TMEM132D: variants seen among roughly 807,000 people sequenced by gnomAD.
The protein encoded by TMEM132D is transmembrane protein 132D.
TMEM132D carries 21 observed loss-of-function variants against 62.3 expected under a neutral mutation model. That is an observed-to-expected ratio of 0.34 (90% CI 0.24 to 0.49). The LOEUF (loss-of-function observed/expected upper bound fraction) is 0.49, where lower values mean the gene tolerates loss of function less well. Ranked by LOEUF, TMEM132D falls within the 20% of genes least tolerant of loss-of-function variation. The probability of loss-of-function intolerance (pLI) is 0.99; values close to 1 mark genes in which losing one functional copy is unlikely to be tolerated. For missense variants in TMEM132D, 1,346 were observed against 1,402.8 expected, an observed-to-expected ratio of 0.96 and a Z score of 0.65; for synonymous variants, 621 against 575.6, an observed-to-expected ratio of 1.08 and a Z score of -1.13.
At chr12:129,780,287 T>G (rs1349867254) in intron 1 of TMEM132D, among the ~76,000 whole-genome samples, 1 of 147,688 alleles carries the variant, frequency 6.8e-6, no homozygotes, top group Non-Finnish European at 1.5e-5. Flanking sequence ...GAGTAATGTC[T>G]GAAAGAGGAC....
At chr12:129,516,514 G>A (rs548859764) in intron 3 of TMEM132D, among the ~76,000 whole-genome samples, 2 of 152,180 alleles carry the variant, frequency 1.3e-5, no homozygotes, top group African/African-American at 2.4e-5. Flanking sequence ...AGAGCTAAGT[G>A]AAAGGGGCTT....
At chr12:129,683,728 A>G (rs1880841088) in intron 2 of TMEM132D, among the ~76,000 whole-genome samples, 1 of 152,170 alleles carries the variant, frequency 6.6e-6, no homozygotes, top group Non-Finnish European at 1.5e-5. Flanking sequence ...CCCAGAATGT[A>G]GTAATGTACC....
rs147054896 is a variant in TMEM132D, at chr12:129,122,954, ACTTGAAAGAC to A, written c.1444-38262_1444-38253del. On this transcript the variant is annotated intron_variant, in intron 5 of 8. Coordinates refer to ENST00000422113, the MANE Select transcript of TMEM132D (RefSeq NM_133448.3). Reference sequence around the variant, plus strand: ...TAAGATTGGTCGCCTTGCATAAAAAACTTGAAAGACCCTGAAATCTTACAGCTTACATATA... The same window carrying A: ...TAAGATTGGTCGCCTTGCATAAAAAACCTGAAATCTTACAGCTTACATATA... Among the ~76,000 whole-genome samples the A allele has an allele frequency of 5.1e-3, 776 of 152,312 alleles. 28 individuals are homozygous for A. The highest frequency in any genetic ancestry group is 0.034 in the East Asian group (176 of 5,184).
At chr12:129,183,397 G>A (rs747886604) in intron 5 of TMEM132D, among the ~76,000 whole-genome samples, 1 of 152,208 alleles carries the variant, frequency 6.6e-6, no homozygotes, top group African/African-American at 2.4e-5. Context: ...CTCTGTGGCC[G>A]AAAGCCATTT....
intron 4 of TMEM132D, among the ~76,000 whole-genome samples, chr12:129,217,714 A>C (rs1026618275): frequency 1.6e-5 from 2 of 127,928 alleles, no homozygotes; most frequent in African/African-American, 5.2e-5. Flanking sequence ...AGACTTGCAA[A>C]AAGGTAGCAT....
At chr12:129,539,536 C>A (rs2137096521) in intron 2 of TMEM132D, among the ~76,000 whole-genome samples, 1 of 151,028 alleles carries the variant, frequency 6.6e-6, no homozygotes, top group Admixed American at 6.6e-5. Context: ...TCCCAAGTAG[C>A]TGGGACTACA....
At chr12:129,446,054 C>T (rs927692217) in intron 3 of TMEM132D, among the ~76,000 whole-genome samples, 1 of 152,140 alleles carries the variant, frequency 6.6e-6, no homozygotes, top group South Asian at 2.1e-4. Context: ...GGGAGAGAAG[C>T]TTGAGCAAGG....
chr12:129,781,087 A>C (rs1871106621), intron 1 of TMEM132D, among the ~76,000 whole-genome samples: 1 of 152,200 alleles, frequency 6.6e-6, no homozygotes, highest in South Asian at 2.1e-4. Context: ...ATGCCATCAA[A>C]AGCTTTGTTG....
At chr12:129,093,716 C>A (rs10847761) in intron 5 of TMEM132D, among the ~76,000 whole-genome samples, 10 of 151,966 alleles carry the variant, frequency 6.6e-5, no homozygotes, top group Admixed American at 4.6e-4. Flanking sequence ...AAAAAGAGCC[C>A]GCATCACCAA....
intron 2 of TMEM132D, among the ~76,000 whole-genome samples, chr12:129,655,496 C>T (rs1880048587): frequency 6.6e-6 from 1 of 151,978 alleles, no homozygotes; most frequent in African/African-American, 2.4e-5. Context: ...ATCTGCCTGC[C>T]TCGGCCTCTC....
chr12:129,566,636 G>A (rs1877375432), intron 2 of TMEM132D, among the ~76,000 whole-genome samples: 1 of 152,142 alleles, frequency 6.6e-6, no homozygotes, highest in African/African-American at 2.4e-5. Context: ...TTTTGAAATG[G>A]CCCTGCAAAG....
chr12:129,129,391 G>T (rs1019807324), intron 5 of TMEM132D, among the ~76,000 whole-genome samples: 1 of 152,118 alleles, frequency 6.6e-6, no homozygotes, highest in African/African-American at 2.4e-5. Flanking sequence ...CCAATCCACT[G>T]TTGATGGGCA....
intron 5 of TMEM132D, among the ~76,000 whole-genome samples, chr12:129,164,160 T>C (rs1003737348): frequency 1.3e-5 from 2 of 152,120 alleles, no homozygotes; most frequent in African/African-American, 4.8e-5. Flanking sequence ...CAACACAGCC[T>C]GGAAGCTGGT....
At chr12:129,891,357 C>T (rs1341484014) in intron 1 of TMEM132D, among the ~76,000 whole-genome samples, 1 of 152,182 alleles carries the variant, frequency 6.6e-6, no homozygotes, top group Non-Finnish European at 1.5e-5. Flanking sequence ...TTGACCAAAA[C>T]AGAGTTCTGG....
intron 1 of TMEM132D, among the ~76,000 whole-genome samples, chr12:129,775,797 A>G (rs1369377760): frequency 6.6e-6 from 1 of 152,206 alleles, no homozygotes; most frequent in Non-Finnish European, 1.5e-5. Context: ...TTTGTTGCAC[A>G]AAAATATGCA....
rs34583805 is a variant in TMEM132D at position 129,337,441 on chromosome 12, G to GCACACACACACACACACA, written c.1299+175_1299+192dup. On this transcript the variant is annotated intron_variant, in intron 4 of 8. Transcript: ENST00000422113. The stretch of plus-strand genomic sequence containing the variant: ...TAGATATAGATATAGATACACACAC[G>GCACACACACACACACACA]CACACACACACACACACACACACAC... Among the ~76,000 whole-genome samples the GCACACACACACACACACA allele has an allele frequency of 8.2e-3, 1,211 of 148,202 alleles. 8 individuals are homozygous for GCACACACACACACACACA. The highest frequency in any genetic ancestry group is 0.012 in the East Asian group (59 of 4,992).
intron 3 of TMEM132D, among the ~76,000 whole-genome samples, chr12:129,426,594 A>C (rs1464852850): frequency 6.6e-6 from 1 of 152,192 alleles, no homozygotes; most frequent in African/African-American, 2.4e-5. Context: ...CTCCCTCTCC[A>C]TCATGTCTCA....
intron 5 of TMEM132D, among the ~76,000 whole-genome samples, chr12:129,126,797 TA>T (rs1298666288): frequency 3.9e-5 from 6 of 152,192 alleles, no homozygotes; most frequent in Non-Finnish European, 8.8e-5. Flanking sequence ...ATCAGTTAAC[TA>T]GGAACTTTCC....
intron 1 of TMEM132D, among the ~76,000 whole-genome samples, chr12:129,793,708 T>C (rs564744760): frequency 1.3e-5 from 2 of 152,318 alleles, no homozygotes; most frequent in African/African-American, 4.8e-5. Flanking sequence ...ACAGCCAAAC[T>C]GCCTTTTAAA....
Sources: gnomAD v4.1 joint callset for allele counts (sites outside exome capture counted in the v4.1 genomes callset) on GRCh38, gnomAD v4.1.1 for gene constraint, MANE v1.5 for transcripts, NCBI Gene and HGNC (gene_info 2026-07-23, HGNC 2026-07-21) for gene names.